Variants in NUDT3 observed in about 807,000 individuals in gnomAD.
NUDT3 encodes nudix hydrolase 3.
In NUDT3, 9 loss-of-function variants were observed where a neutral mutation model predicts 23.6. The observed-to-expected ratio is 0.38, with a 90% CI of 0.23 to 0.66. The LOEUF (loss-of-function observed/expected upper bound fraction) is 0.66, where lower values mean the gene tolerates loss of function less well. Among genes scored for constraint, NUDT3 ranks in the 30% least tolerant of loss-of-function variants. The pLI is 0.52. For synonymous variants in NUDT3, 86 were observed against 82.6 expected, an observed-to-expected ratio of 1.04 and a Z score of -0.22; for missense variants, 172 against 218.5, an observed-to-expected ratio of 0.79 and a Z score of 1.34.
chr6:34,333,791 A>C (rs1042870512), intron 2 of NUDT3, among the ~76,000 whole-genome samples: 2 of 152,278 alleles, frequency 1.3e-5, no homozygotes, highest in East Asian at 1.9e-4. Context: ...GGTAAGGTAG[A>C]CATTTTCAAA....
intron 2 of NUDT3, among the ~76,000 whole-genome samples, chr6:34,304,155 A>T (rs965645761): frequency 6.6e-6 from 1 of 151,840 alleles, no homozygotes; most frequent in African/African-American, 2.4e-5. Context: ...CGGGAGGCTG[A>T]AGGAGGAGAA....
intron 1 of NUDT3, among the ~76,000 whole-genome samples, chr6:34,371,009 G>A (rs989200991): frequency 6.6e-6 from 1 of 151,984 alleles, no homozygotes; most frequent in Non-Finnish European, 1.5e-5. Flanking sequence ...TACTCGGGAG[G>A]CTAAGGCAGG....
intron 2 of NUDT3, among the ~76,000 whole-genome samples, chr6:34,314,793 A>G (rs563940526): frequency 3.2e-4 from 48 of 152,260 alleles, no homozygotes; most frequent in Admixed American, 3.0e-3. Context: ...CTGTTTTTCT[A>G]GTAATAATAA....
chr6:34,318,547 G>A (rs900137742), intron 2 of NUDT3, among the ~76,000 whole-genome samples: 1 of 152,088 alleles, frequency 6.6e-6, no homozygotes, highest in Non-Finnish European at 1.5e-5. Flanking sequence ...CTTACAGGAC[G>A]CTCTATGTTG....
intron 2 of NUDT3, among the ~76,000 whole-genome samples, chr6:34,327,160 G>A (rs887500056): frequency 6.6e-6 from 1 of 152,048 alleles, no homozygotes; most frequent in Non-Finnish European, 1.5e-5. Context: ...ATAGGACAGG[G>A]GGCCCTTCCC....
At chr6:34,370,634 C>A (rs1219526897) in intron 1 of NUDT3, among the ~76,000 whole-genome samples, 1 of 152,202 alleles carries the variant, frequency 6.6e-6, no homozygotes, top group African/African-American at 2.4e-5. Context: ...TCGGACAGAA[C>A]TTGACAAGCT....
At chr6:34,297,760 A>ATATTT (rs1763535832) in intron 2 of NUDT3, among the ~76,000 whole-genome samples, 1 of 53,654 alleles carries the variant, frequency 1.9e-5, no homozygotes, top group Admixed American at 2.6e-4. Context: ...TATATATATA[A>ATATTT]TTTTTTTTTT....
chr6:34,290,197 T>C (rs1763397350), intron 4 of NUDT3, among the ~76,000 whole-genome samples: 1 of 152,156 alleles, frequency 6.6e-6, no homozygotes, highest in South Asian at 2.1e-4. Context: ...TTAATTTTTG[T>C]TACTGGTTTT....
intron 2 of NUDT3, among the ~76,000 whole-genome samples, chr6:34,333,852 C>T (rs1294350545): frequency 6.6e-6 from 1 of 152,238 alleles, no homozygotes; most frequent in Non-Finnish European, 1.5e-5. Context: ...AAGGGGCATA[C>T]TACATGAAGT....
Position 34,288,716 on chromosome 6 carries a change from GT to G in NUDT3, c.*36del. The G allele has an allele frequency of 1.3e-6, 2 of 1,588,270 alleles. No individual in the cohort carries two copies. Among genetic ancestry groups the G allele is most frequent in the Non-Finnish European group, 1.7e-6 (2 of 1,168,896 alleles). ...GAGGGAAGATTTGCACTTCAGTCTA[GT>G]TTCCAATTTCCATTTCTCTTACAGG... On this transcript the variant is annotated 3_prime_UTR_variant, in exon 5 of 5. Transcript: ENST00000607016.
intron 2 of NUDT3, among the ~76,000 whole-genome samples, chr6:34,311,392 A>T (rs1326663957): frequency 6.6e-6 from 1 of 152,160 alleles, no homozygotes; most frequent in African/African-American, 2.4e-5. Context: ...CATGTACAAG[A>T]TCTATATAAA....
In NUDT3 at chr6:34,351,678, T is replaced by C. The variant is rs1436256829; in HGVS notation, c.100-9706A>G. On this transcript the variant is annotated intron_variant, in intron 1 of 4. Transcript: ENST00000607016. ...ATTGCTTGGACCCAGGAGGTGGAGG[T>C]TGCAGTGAGCCGAGATCGCACCATT... 8.4e-5 allele frequency among the ~76,000 whole-genome samples: 12 copies of C among 142,312 alleles called. 1 individual carries two copies. The highest frequency in any genetic ancestry group is 2.2e-4 in the South Asian group (1 of 4,516). The allele number at this position is 142,312 out of a possible 152,430, so 93.4% of individuals were successfully genotyped here. A position where few individuals can be genotyped will look rare whatever the true frequency, so the allele number is the denominator to read the frequency against.
chr6:34,347,113 A>T (rs557297623), intron 1 of NUDT3, among the ~76,000 whole-genome samples: 1 of 152,252 alleles, frequency 6.6e-6, no homozygotes, highest in South Asian at 2.1e-4. Context: ...CCTTCCTATC[A>T]TATAAAGTAC....
chr6:34,321,668 A>G (rs1763944529), intron 2 of NUDT3, among the ~76,000 whole-genome samples: 1 of 152,108 alleles, frequency 6.6e-6, no homozygotes, highest in Non-Finnish European at 1.5e-5. Context: ...ATCTTTCCCA[A>G]TCCATTCCAT....
intron 4 of NUDT3, among the ~76,000 whole-genome samples, chr6:34,289,916 A>G (rs1358384680): frequency 1.3e-5 from 2 of 152,170 alleles, no homozygotes; most frequent in Non-Finnish European, 2.9e-5. Flanking sequence ...CCAAAATTGG[A>G]TCATGCTTTC....
chr6:34,322,479 T>G (rs763536405), intron 2 of NUDT3, among the ~76,000 whole-genome samples: 4 of 152,186 alleles, frequency 2.6e-5, no homozygotes, highest in Non-Finnish European at 4.4e-5. Context: ...TCCGCCCACC[T>G]TGGCCTCCCA....
At chr6:34,327,265 G>A (rs1389102214) in intron 2 of NUDT3, among the ~76,000 whole-genome samples, 1 of 151,896 alleles carries the variant, frequency 6.6e-6, no homozygotes, top group Non-Finnish European at 1.5e-5. Context: ...GGGCGCGGTG[G>A]CTCACCTGTA....
intron 2 of NUDT3, among the ~76,000 whole-genome samples, chr6:34,309,913 T>C (rs1168939329): frequency 6.6e-6 from 1 of 152,138 alleles, no homozygotes; most frequent in Non-Finnish European, 1.5e-5. Flanking sequence ...TCAATAAGCC[T>C]GTACCTATTA....
intron 2 of NUDT3, among the ~76,000 whole-genome samples, chr6:34,336,532 G>A (rs1764211518): frequency 1.3e-5 from 2 of 152,166 alleles, no homozygotes; most frequent in African/African-American, 4.8e-5. Flanking sequence ...CTTCACTGTT[G>A]ATTGTTTCCT....
Sources: allele counts gnomAD v4.1 joint callset (sites outside exome capture counted in the v4.1 genomes callset), GRCh38; gene constraint gnomAD v4.1.1; transcripts MANE v1.5; gene names NCBI Gene and HGNC (gene_info 2026-07-23, HGNC 2026-07-21).